The following GPHN variants were observed in gnomAD, a reference collection of about 807,000 sequenced individuals.
The protein encoded by GPHN is gephyrin.
Under a neutral mutation model 95.5 loss-of-function variants are expected in GPHN, and 17 were observed. The ratio of observed to expected loss-of-function variants is 0.18; its 90% CI spans 0.12 to 0.27. The LOEUF (loss-of-function observed/expected upper bound fraction) is 0.27, where lower values mean the gene tolerates loss of function less well. Ranked by LOEUF, GPHN falls within the 10% of genes least tolerant of loss-of-function variation. GPHN has a pLI of 1.00. For missense variants in GPHN, 660 were observed against 978.1 expected, an observed-to-expected ratio of 0.67 and a Z score of 4.34; for synonymous variants, 320 against 322.5, an observed-to-expected ratio of 0.99 and a Z score of 0.08.
chr14:67,196,220 TTTC>T, the GPHN span, among the ~76,000 whole-genome samples: 5 of 147,636 alleles, frequency 3.4e-5, no homozygotes, highest in African/African-American at 1.3e-4. Flanking sequence ...CTTTTCTTTC[TTTC>T]TTTTTTTTTT....
At chr14:67,256,571 G>A in the GPHN span, among the ~76,000 whole-genome samples, 23,395 of 151,710 alleles carry the variant, frequency 0.15, 3,391 homozygotes, top group East Asian at 0.42. Context: ...TTTTTGAGAT[G>A]GAGTCTCGCT....
At chr14:67,341,086 C>A in the GPHN span, among the ~76,000 whole-genome samples, 1 of 152,210 alleles carries the variant, frequency 6.6e-6, no homozygotes, top group Non-Finnish European at 1.5e-5. Flanking sequence ...AGCCTCTGCC[C>A]AGCCGCCACC....
intron 6 of GPHN, among the ~76,000 whole-genome samples, chr14:66,916,792 C>T (rs1225594808): frequency 1.3e-5 from 2 of 152,212 alleles, no homozygotes; most frequent in Admixed American, 6.5e-5. Context: ...CTCAGACTCT[C>T]TTTGGGTACT....
chr14:67,187,895 A>C, the GPHN span, among the ~76,000 whole-genome samples: 1 of 152,094 alleles, frequency 6.6e-6, no homozygotes, highest in East Asian at 1.9e-4. Flanking sequence ...CTATCTTATC[A>C]CTACATAACA....
chr14:67,574,695 C>T, the GPHN span, among the ~76,000 whole-genome samples: 2 of 152,100 alleles, frequency 1.3e-5, no homozygotes, highest in Admixed American at 6.5e-5. The surrounding 1 kb of genome is among the most constrained non-coding windows in gnomAD (Gnocchi z 4.2). Flanking sequence ...CCCACCCCCA[C>T]CTTATACCTG....
the GPHN span, chr14:67,198,402 A>G: frequency 1.5e-6 from 2 of 1,323,206 alleles, no homozygotes; most frequent in African/African-American, 2.9e-5. Context: ...TGGTAGGAGA[A>G]TTGTTTTAAA....
the GPHN span, chr14:67,347,301 A>T: frequency 3.5e-6 from 3 of 867,902 alleles, no homozygotes; most frequent in African/African-American, 3.4e-5. Flanking sequence ...AGGATTTCTA[A>T]CTCAGGAACC....
intron 8 of GPHN, among the ~76,000 whole-genome samples, chr14:66,949,265 A>T (rs773493891): frequency 1.3e-5 from 2 of 152,070 alleles, no homozygotes; most frequent in Non-Finnish European, 2.9e-5. Flanking sequence ...TTGTATTTTT[A>T]GTAGAGACAG....
chr14:67,663,090 T>G, the GPHN span: 3 of 1,494,638 alleles, frequency 2.0e-6, no homozygotes, highest in Non-Finnish European at 2.7e-6. Flanking sequence ...GCACCGGCAA[T>G]GACTTGAACG....
intron 4 of GPHN, among the ~76,000 whole-genome samples, chr14:66,835,183 T>G (rs1391310634): frequency 3.3e-5 from 5 of 149,958 alleles, no homozygotes; most frequent in African/African-American, 1.2e-4. Flanking sequence ...TCTATCAATT[T>G]TGTTGATCCT....
the GPHN span, among the ~76,000 whole-genome samples, chr14:67,446,498 G>C: frequency 6.6e-6 from 1 of 152,178 alleles, no homozygotes; most frequent in Non-Finnish European, 1.5e-5. Context: ...CTGACCTCCG[G>C]GTCAGCAGAG....
chr14:66,951,907 C>T (rs1031286013), intron 8 of GPHN, among the ~76,000 whole-genome samples: 1 of 151,988 alleles, frequency 6.6e-6, no homozygotes, highest in Admixed American at 6.5e-5. Flanking sequence ...CAAAAATCAA[C>T]TCCAGGTGTA....
chr14:67,361,994 TAGGTA>T, the GPHN span, among the ~76,000 whole-genome samples: 1 of 151,918 alleles, frequency 6.6e-6, no homozygotes, highest in Non-Finnish European at 1.5e-5. Context: ...CTTAATTACT[TAGGTA>T]AGAGTCTTTT....
chr14:67,290,691 C>G, the GPHN span, among the ~76,000 whole-genome samples: 1 of 152,010 alleles, frequency 6.6e-6, no homozygotes, highest in Non-Finnish European at 1.5e-5. Context: ...AGCCACTGTG[C>G]CTAGACATTT....
chr14:67,136,883 T>G (rs912309516), intron 17 of GPHN, among the ~76,000 whole-genome samples: 2 of 152,130 alleles, frequency 1.3e-5, no homozygotes, highest in East Asian at 3.9e-4. Flanking sequence ...TCAAGATTCA[T>G]GTTAGTATTA....
intron 8 of GPHN, among the ~76,000 whole-genome samples, chr14:66,933,567 G>A (rs1395131455): frequency 6.6e-5 from 10 of 152,038 alleles, no homozygotes; most frequent in East Asian, 1.9e-4. Flanking sequence ...ATTTAGAGAC[G>A]GAAAACCTGG....
At chr14:67,685,001 G>A in the GPHN span, 1 of 1,593,972 alleles carries the variant, frequency 6.3e-7, no homozygotes, top group East Asian at 2.2e-5. Context: ...TGCAAAAAGA[G>A]ATAACATTCA....
chr14:66,511,809 T>C (rs959273394), intron 1 of GPHN, among the ~76,000 whole-genome samples: 2 of 152,132 alleles, frequency 1.3e-5, no homozygotes, highest in East Asian at 1.9e-4. Flanking sequence ...GAGATTATGA[T>C]AATTAATGTA....
At chr14:67,278,363 A>T in the GPHN span, among the ~76,000 whole-genome samples, 1 of 147,192 alleles carries the variant, frequency 6.8e-6, no homozygotes, top group African/African-American at 2.5e-5. Context: ...TTTTAATGGG[A>T]CCAGTTATAA....
Sources: allele counts gnomAD v4.1 joint callset (sites outside exome capture counted in the v4.1 genomes callset), GRCh38; gene constraint gnomAD v4.1.1; non-coding constraint Gnocchi (gnomAD v3.1); transcripts MANE v1.5; gene names NCBI Gene and HGNC (gene_info 2026-07-23, HGNC 2026-07-21).